Variants in AHI1 observed in about 807,000 individuals in gnomAD.
The protein encoded by AHI1 is jouberin.
In AHI1, 123 loss-of-function variants were observed where a neutral mutation model predicts 149.3. That is an observed-to-expected ratio of 0.82 (90% CI 0.71 to 0.96). The LOEUF is 0.96. Ranked by LOEUF, AHI1 falls within the 40% of genes least tolerant of loss-of-function variation. The probability of loss-of-function intolerance (pLI) is 0.00; values close to 1 mark genes in which losing one functional copy is unlikely to be tolerated. For synonymous variants in AHI1, 475 were observed against 459.8 expected (o/e 1.03, Z -0.42); for missense variants, 1,439 against 1,422.7 (o/e 1.01, Z -0.18).
At chr6:135,407,990 G>A (rs1046165972) in intron 21 of AHI1, among the ~76,000 whole-genome samples, 1 of 151,636 alleles carries the variant, frequency 6.6e-6, no homozygotes, top group African/African-American at 2.4e-5. Context: ...AGCTGAGATC[G>A]TGCCACTGTA....
intron 4 of AHI1, among the ~76,000 whole-genome samples, chr6:135,491,896 C>A (rs1049469467): frequency 1.3e-5 from 2 of 152,190 alleles, no homozygotes; most frequent in South Asian, 4.1e-4. Flanking sequence ...TATTTACTAG[C>A]TAGCCCTTTT....
rs2128498674 is a variant in AHI1 at position 135,405,041 on chromosome 6, A to G, written c.2962-64T>C. ...TTCATTAAATATTGACTGTTTGCAA[A>G]ACACTCAGATGTTTATCTTCTAATA... On this transcript the variant is annotated intron_variant, in intron 21 of 28. Coordinates refer to ENST00000265602, the MANE Select transcript of AHI1 (RefSeq NM_001134831.2). 7.3e-6 allele frequency: 10 copies of G among 1,370,024 alleles called. No individual in the cohort carries two copies. In the South Asian group the frequency reaches 1.2e-4, roughly 17 times the overall value. The allele number at this position is 1,370,024 out of a possible 1,614,324, so 84.9% of individuals were successfully genotyped here.
chr6:135,388,977 A>C (rs1778026541), intron 23 of AHI1, among the ~76,000 whole-genome samples: 1 of 149,782 alleles, frequency 6.7e-6, no homozygotes, highest in African/African-American at 2.5e-5. Context: ...GCGCCACTGC[A>C]CTCCAGCCTG....
intron 15 of AHI1, among the ~76,000 whole-genome samples, chr6:135,437,598 A>G (rs575265261): frequency 2.8e-4 from 43 of 152,350 alleles, no homozygotes; most frequent in South Asian, 2.1e-4. Context: ...GAACACTAAA[A>G]GTAACACGAA....
chr6:135,420,898 C>T (rs1783055519), intron 20 of AHI1, among the ~76,000 whole-genome samples: 1 of 152,146 alleles, frequency 6.6e-6, no homozygotes, highest in South Asian at 2.1e-4. Context: ...TTTCCCCATG[C>T]CTTCCTCACT....
chr6:135,492,952 T>A, intron 3 of AHI1: 2 of 974,790 alleles, frequency 2.1e-6, no homozygotes, highest in Non-Finnish European at 1.2e-6. Flanking sequence ...GAATGTAATA[T>A]GCATGTTTTT....
intron 5 of AHI1, among the ~76,000 whole-genome samples, chr6:135,482,655 A>G (rs1161499593): frequency 6.6e-6 from 1 of 151,500 alleles, no homozygotes; most frequent in Non-Finnish European, 1.5e-5. Context: ...TCTTTCTTTT[A>G]CATCTTTTTT....
At position 135,492,248 on chromosome 6, in the gene AHI1, T is replaced by C. The variant is rs764674901; in HGVS notation, c.-11A>G. The C allele has an allele frequency of 1.3e-6, 2 of 1,537,892 alleles. No individual in the cohort carries two copies. Among genetic ancestry groups the C allele is most frequent in the South Asian group, 2.5e-5 (2 of 80,202 alleles). ...CTTACCTGTAGGCATCTCTCAGCTT[T>C]ATGCAGAGGACTGAGAATGCAAAGC... On this transcript the variant is annotated 5_prime_UTR_variant, in exon 4 of 29. In the 5' UTR this introduces an upstream ATG that the reference lacks. Coordinates refer to ENST00000265602, the MANE Select transcript of AHI1 (RefSeq NM_001134831.2).
At chr6:135,426,034 T>C (rs1325684148) in intron 20 of AHI1, among the ~76,000 whole-genome samples, 1 of 151,802 alleles carries the variant, frequency 6.6e-6, no homozygotes, top group Non-Finnish European at 1.5e-5. Flanking sequence ...AGTACTTTGG[T>C]ATAACTCTTC....
chr6:135,332,831 C>T lies in AHI1; in HGVS notation c.3166-9507G>A, dbSNP rs138106769. On this transcript the variant is annotated intron_variant, in intron 24 of 28. Coordinates refer to ENST00000265602, the MANE Select transcript of AHI1 (RefSeq NM_001134831.2). ...AATCTGCTCTTTATTCTTTGTTTCT[C>T]CCCCCGTTCCTTCTCTGTCTATAAA... Among the ~76,000 whole-genome samples, 925 of 152,320 alleles carry T rather than the reference C, an allele frequency of 6.1e-3. 8 individuals are homozygous for T. Among genetic ancestry groups the T allele is most frequent in the African/African-American group, 0.02 (848 of 41,554 alleles).
At position 135,445,056 on chromosome 6, in the gene AHI1, C is replaced by G. The variant is rs139518036; in HGVS notation, c.1779+1952G>C. Among the ~76,000 whole-genome samples, 322 of 152,354 alleles carry G rather than the reference C, an allele frequency of 2.1e-3. 1 individual carries two copies. Among genetic ancestry groups the G allele is most frequent in the African/African-American group, 7.4e-3 (309 of 41,584 alleles). ...GTAACTGCTTTCTTTTCCCACCTAA[C>G]TTGGAAGTTCCCCAAGGGCATAATC... On this transcript the variant is annotated intron_variant, in intron 13 of 28. Transcript: ENST00000265602.
chr6:135,433,273 A>G lies in AHI1; in HGVS notation c.2037-17T>C. The G allele has an allele frequency of 6.5e-7, 1 of 1,542,964 alleles. No individual in the cohort carries two copies. ...TTCCATATCCTGGAAAAGGATAAGA[A>G]GTTACATATTGCTTCTGAAAAGCAG... On this transcript the variant is annotated splice_polypyrimidine_tract_variant and intron_variant, in intron 15 of 28. Coordinates refer to ENST00000265602, the MANE Select transcript of AHI1 (RefSeq NM_001134831.2).
At chr6:135,326,810 T>G (rs1787775586) in intron 24 of AHI1, among the ~76,000 whole-genome samples, 2 of 152,192 alleles carry the variant, frequency 1.3e-5, no homozygotes, top group African/African-American at 4.8e-5. Context: ...TCCGCCTGCC[T>G]TGGCCTCCCA....
At chr6:135,351,144 C>CAAAAAAAAAAA (rs112077817) in intron 24 of AHI1, among the ~76,000 whole-genome samples, 3 of 116,284 alleles carry the variant, frequency 2.6e-5, no homozygotes, top group African/African-American at 1.3e-4. Flanking sequence ...ACAAAAAAAA[C>CAAAAAAAAAAA]AAAAAAAAAA....
In AHI1 at chr6:135,492,631, A is replaced by G. The variant is rs1436367317; in HGVS notation, c.-54-340T>C. ...TTAATGAACATTTCAACGCACTTTT[A>G]AGAAACCAAACTCCATCTCAGGATT... On this transcript the variant is annotated intron_variant, in intron 3 of 28. Transcript: ENST00000265602. 3.0e-6 allele frequency: 3 copies of G among 985,328 alleles called. No individual in the cohort carries two copies. In the African/African-American group the frequency reaches 5.2e-5, roughly 17 times the overall value. The allele number at this position is 985,328 out of a possible 1,614,324, so 61.0% of individuals were successfully genotyped here. A position where few individuals can be genotyped will look rare whatever the true frequency, so the allele number is the denominator to read the frequency against.
chr6:135,493,140 A>G (rs1795492654), intron 3 of AHI1: 3 of 188,352 alleles, frequency 1.6e-5, no homozygotes, highest in African/African-American at 7.1e-5. Context: ...CTGGGATTAC[A>G]GGTGTGCGCC....
chr6:135,478,276 A>C (rs1453452090), intron 5 of AHI1, among the ~76,000 whole-genome samples: 1 of 152,226 alleles, frequency 6.6e-6, no homozygotes, highest in Admixed American at 6.5e-5. Context: ...TTGGAACTTC[A>C]TAGAGACTTG....
chr6:135,379,984 C>G (rs1370359503), intron 23 of AHI1, among the ~76,000 whole-genome samples: 1 of 109,500 alleles, frequency 9.1e-6, no homozygotes, highest in Non-Finnish European at 1.9e-5. Flanking sequence ...CCTTCACCCT[C>G]TCCCTCCCTC....
At chr6:135,369,055 A>G (rs773936524) in intron 23 of AHI1, among the ~76,000 whole-genome samples, 15 of 152,238 alleles carry the variant, frequency 9.9e-5, no homozygotes, top group Non-Finnish European at 1.6e-4. Context: ...TCAGGAATGC[A>G]GGAATGGCTT....
Sources: gnomAD v4.1 joint callset for allele counts (sites outside exome capture counted in the v4.1 genomes callset) on GRCh38, gnomAD v4.1.1 for gene constraint, MANE v1.5 for transcripts, NCBI Gene and HGNC (gene_info 2026-07-23, HGNC 2026-07-21) for gene names.